The following DHX34 variants were observed in gnomAD, a reference collection of about 807,000 sequenced individuals.
DHX34 encodes DExH-box helicase 34.
Under a neutral mutation model 111.1 loss-of-function variants are expected in DHX34, and 96 were observed. The observed-to-expected ratio is 0.86, with a 90% CI of 0.73 to 1.02. The LOEUF is 1.02. Ranked by LOEUF, DHX34 falls within the 50% of genes least tolerant of loss-of-function variation. The pLI is 0.00. For synonymous variants in DHX34, 688 were observed against 670.4 expected (o/e 1.03, Z -0.41); for missense variants, 1,560 against 1,579.9 (o/e 0.99, Z 0.21).
In DHX34 at chr19:47,380,809, T is replaced by G. The variant is rs1179695467; in HGVS notation, c.2983-7T>G. 6.2e-7 allele frequency: 1 copy of G among 1,613,682 alleles called. No individual in the cohort carries two copies. Among genetic ancestry groups the G allele is most frequent in the Non-Finnish European group, 8.5e-7 (1 of 1,179,776 alleles). On this transcript the variant is annotated splice_polypyrimidine_tract_variant and splice_region_variant and intron_variant, in intron 14 of 16. Coordinates refer to ENST00000328771, the MANE Select transcript of DHX34 (RefSeq NM_014681.6). ...TCTCTCTCCATTTCCTGTCTCTCCT[T>G]CCTTAGATTCCTTACAGCCTCCGGC...
chr19:47,357,131 C>G (rs1488432987), intron 3 of DHX34, among the ~76,000 whole-genome samples: 1 of 152,158 alleles, frequency 6.6e-6, no homozygotes, highest in Non-Finnish European at 1.5e-5. Flanking sequence ...GCTGGGAAAT[C>G]AGCCAACCAA....
rs1191922634 is a variant in DHX34 at position 47,379,948 on chromosome 19, C to T, written c.2945C>T (p.Thr982Ile). Reference sequence around the variant, plus strand: ...CCAGTCAGCCCCAAGGAGGTGGCCACCCTGAGCAAGGAACTCCTGCAATTC... The same window carrying T: ...CCAGTCAGCCCCAAGGAGGTGGCCATCCTGAGCAAGGAACTCCTGCAATTC... ...DTPVSPKEVA[T>I]LSKELLQFTA... is the part of the protein sequence containing the mutation. Residue 982 changes from threonine to isoleucine, a missense_variant, in exon 14 of 17, where the codon ACC becomes ATC. By Grantham distance (89) the Thr-to-Ile change is moderately conservative (BLOSUM62 -1). Transcript: ENST00000328771. 1 of 1,600,684 alleles carries T rather than the reference C, an allele frequency of 6.2e-7. No individual in the cohort carries two copies. Among genetic ancestry groups the T allele is most frequent in the South Asian group, 1.1e-5 (1 of 90,718 alleles).
Position 47,379,730 on chromosome 19 carries a change from G to A in DHX34, c.2727G>A (p.Arg909=), listed in dbSNP as rs777845685. The change falls in exon 14 of 17, where the codon CGG becomes CGA. Residue 909 remains arginine, a synonymous_variant. Coordinates refer to ENST00000328771, the MANE Select transcript of DHX34 (RefSeq NM_014681.6). ...PALQSLLLFS[R]SLDTNGDCSR... ...TTCAGTCCCTCCTGCTTTTTAGCCG[G>A]TCTTTGGACACCAATGGTGACTGCT... 6.2e-6 allele frequency: 10 copies of A among 1,602,458 alleles called. No homozygotes were observed. The highest frequency in any genetic ancestry group is 7.7e-6 in the Non-Finnish European group (9 of 1,170,490).
At chr19:47,373,917 T>C (rs1015563949) in intron 9 of DHX34, among the ~76,000 whole-genome samples, 1 of 152,042 alleles carries the variant, frequency 6.6e-6, no homozygotes. Flanking sequence ...ACCGAGTCAG[T>C]GGACATGCAG....
chr19:47,372,568 C>T (rs532066220), intron 7 of DHX34, 162 bp from the exon 8 acceptor site: 35 of 979,844 alleles, frequency 3.6e-5, no homozygotes, highest in Admixed American at 6.2e-5. Context: ...GAAAGCACAG[C>T]GCGTGGGTTT....
intron 1 of DHX34, among the ~76,000 whole-genome samples, chr19:47,351,171 CTTTTTTTTTTTTTTT>C (rs955543104): frequency 1.1e-5 from 1 of 93,080 alleles, no homozygotes; most frequent in African/African-American, 4.4e-5. Flanking sequence ...TTTTCTTTTT[CTTTTTTTTTTTTTTT>C]TTTTTTTTTT....
At chr19:47,368,455 C>T (rs1969862608) in intron 7 of DHX34, among the ~76,000 whole-genome samples, 2 of 149,954 alleles carry the variant, frequency 1.3e-5, no homozygotes, top group South Asian at 2.1e-4. Flanking sequence ...TACAGGCATG[C>T]GCCACCATGC....
intron 4 of DHX34, 48 bp from the exon 5 acceptor site, chr19:47,359,920 A>G: frequency 6.2e-7 from 1 of 1,613,380 alleles, no homozygotes; most frequent in Non-Finnish European, 8.5e-7. Context: ...CACATAGGTT[A>G]GTCGGGGCTG....
chr19:47,375,861 C>G, intron 10 of DHX34, 63 bp from the exon 11 acceptor site: 1 of 1,542,166 alleles, frequency 6.5e-7, no homozygotes, highest in Non-Finnish European at 8.7e-7. Context: ...GCCTGGGGGT[C>G]TGCGGATCAT....
At chr19:47,368,716 G>GT (rs71180828) in intron 7 of DHX34, among the ~76,000 whole-genome samples, 14,682 of 145,720 alleles carry the variant, frequency 0.1, 1,011 homozygotes, top group African/African-American at 0.19. Flanking sequence ...ATATATATAT[G>GT]TTTTTTTTTC....
chr19:47,365,334 C>T (rs763517905), intron 6 of DHX34, among the ~76,000 whole-genome samples: 9 of 151,990 alleles, frequency 5.9e-5, no homozygotes, highest in Non-Finnish European at 1.0e-4. Context: ...TCACTGCAAC[C>T]TCCACCTCCC....
intron 3 of DHX34, chr19:47,357,616 T>C: frequency 2.3e-6 from 1 of 431,668 alleles, no homozygotes; most frequent in Non-Finnish European, 3.1e-6. Context: ...GACAAGGAAT[T>C]ATCCAGACTG....
intron 7 of DHX34, 51 bp downstream of exon 7, chr19:47,367,206 G>A (rs1351511710): frequency 1.5e-6 from 2 of 1,369,802 alleles, no homozygotes; most frequent in African/African-American, 1.5e-5. Context: ...AGCGGGTATG[G>A]GCACAGCTCA....
chr19:47,367,790 A>G (rs995706056), intron 7 of DHX34, among the ~76,000 whole-genome samples: 1 of 147,652 alleles, frequency 6.8e-6, no homozygotes, highest in African/African-American at 2.5e-5. Context: ...TGGGAGGGTG[A>G]GGTAGGAGAA....
Position 47,376,081 on chromosome 19 carries a change from G to T in DHX34, c.2465G>T (p.Arg822Leu). The T allele has an allele frequency of 6.4e-7, 1 of 1,565,946 alleles. No individual in the cohort carries two copies. Among genetic ancestry groups the T allele is most frequent in the Non-Finnish European group, 8.6e-7 (1 of 1,158,232 alleles). ...LAVPDAFNSSRKDSDQIFHTQ... is the reference protein window; with the variant it reads ...LAVPDAFNSSLKDSDQIFHTQ... ...GTCCCCGACGCCTTCAACAGCAGCC[G>T]AAAGGACTCAGACCAGGTGGGGCCT... The change falls in exon 11 of 17, where the codon CGA (arginine) becomes CTA (leucine). Residue 822 changes from arginine (R) to leucine (L), a missense_variant. By Grantham distance (102) the Arg-to-Leu change is moderately radical. Transcript: ENST00000328771.
At chr19:47,376,758 G>A (rs963809499) in intron 12 of DHX34, 198 bp downstream of exon 12, 16 of 1,443,728 alleles carry the variant, frequency 1.1e-5, no homozygotes, top group Middle Eastern at 2.5e-4. Context: ...CTCACCTTCC[G>A]CATGGTGGTG....
intron 6 of DHX34, 52 bp from the exon 7 acceptor site, chr19:47,366,929 G>T (rs1202581882): frequency 2.0e-6 from 3 of 1,497,746 alleles, no homozygotes; most frequent in Admixed American, 4.5e-5. Context: ...CCGCTGTGCT[G>T]CACAGTGGCT....
rs201958568 is a variant in DHX34 at position 47,375,969 on chromosome 19, G to A, written c.2353G>A (p.Ala785Thr). 47 of 1,603,190 alleles carry A rather than the reference G, an allele frequency of 2.9e-5. No individual in the cohort carries two copies. The highest frequency in any genetic ancestry group is 2.2e-4 in the Middle Eastern group (1 of 4,588). The change falls in exon 11 of 17, where the codon GCT (alanine) becomes ACT (threonine). Residue 785 changes from alanine (A) to threonine (T), a missense_variant. Transcript: ENST00000328771. ...LRHDLAQLQA[A>T]ASSAQDLSRE... is the part of the protein sequence containing the mutation. The stretch of plus-strand genomic sequence containing the variant: ...GCATGACCTGGCGCAGCTGCAGGCC[G>A]CTGCCAGCTCAGCCCAGGACCTGAG...
intron 5 of DHX34, among the ~76,000 whole-genome samples, chr19:47,361,021 C>T (rs187609796): frequency 7.0e-4 from 107 of 152,212 alleles, no homozygotes; most frequent in African/African-American, 2.4e-3. Context: ...GTCTTCCTGA[C>T]TGGAATGTTC....
Sources: allele counts gnomAD v4.1 joint callset (sites outside exome capture counted in the v4.1 genomes callset), GRCh38; gene constraint gnomAD v4.1.1; transcripts MANE v1.5; gene names NCBI Gene and HGNC (gene_info 2026-07-23, HGNC 2026-07-21).